The following BCAT1 variants were observed in gnomAD, a reference collection of about 807,000 sequenced individuals.
BCAT1 encodes branched-chain-amino-acid aminotransferase, cytosolic.
A neutral mutation model predicts 52.4 loss-of-function variants in BCAT1; 48 were observed. That is an observed-to-expected ratio of 0.92 (90% CI 0.73 to 1.16). The LOEUF is 1.16. Among genes scored for constraint, BCAT1 ranks in the 50% most tolerant of loss-of-function variants. The pLI is 0.00. For synonymous variants in BCAT1, 167 were observed against 161.3 expected, an observed-to-expected ratio of 1.04 and a Z score of -0.27; for missense variants, 451 against 457.1, an observed-to-expected ratio of 0.99 and a Z score of 0.12.
At chr12:24,902,854 G>T in intron 1 of BCAT1, 1 of 1,484,884 alleles carries the variant, frequency 6.7e-7, no homozygotes, top group Non-Finnish European at 9.0e-7. Flanking sequence ...GATGGTGCAG[G>T]AAACGGCGAC....
rs750977130 is a variant in BCAT1 at position 24,881,308 on chromosome 12, G to T, written c.383C>A (p.Thr128Asn). 6.2e-7 allele frequency: 1 copy of T among 1,606,200 alleles called. No individual in the cohort carries two copies. Among genetic ancestry groups the T allele is most frequent in the South Asian group, 1.1e-5 (1 of 90,396 alleles). Residue 128 changes from threonine (T) to asparagine (N), a missense_variant, in exon 4 of 11, where the codon ACT (threonine) becomes AAT (asparagine). Thr to Asn is a moderately conservative substitution (Grantham distance 65, BLOSUM62 0). Coordinates refer to ENST00000261192, the MANE Select transcript of BCAT1 (RefSeq NM_005504.7). ...ACTCCTACACTTACATACCGGCAGA[G>T]TTGCCCTCACAGCAGAGCGATACAT... Reference protein sequence around the residue: ...DRMYRSAVRATLPVFDKEELL... With the variant: ...DRMYRSAVRANLPVFDKEELL...
intron 1 of BCAT1, chr12:24,903,021 G>A: frequency 7.0e-7 from 1 of 1,423,454 alleles, no homozygotes; most frequent in Non-Finnish European, 9.1e-7. Flanking sequence ...GCTGCAGAGA[G>A]CGGCAGTGGC....
chr12:24,836,894 A>G lies in BCAT1; in HGVS notation c.818-298T>C, dbSNP rs1565454430. On this transcript the variant is annotated intron_variant, in intron 7 of 10. Coordinates refer to ENST00000261192, the MANE Select transcript of BCAT1 (RefSeq NM_005504.7). ...GAAAGAGAAAGAGAAAGAAAGAAAG[A>G]AAGAAAAGAAAGAGAGAAAGAAAGA... Among the ~76,000 whole-genome samples the G allele has an allele frequency of 2.8e-3, 151 of 54,148 alleles. 2 individuals carry two copies. Among genetic ancestry groups the G allele is most frequent in the African/African-American group, 0.011 (149 of 13,538 alleles). The allele number at this position is 54,148 out of a possible 152,430, so 35.5% of individuals were successfully genotyped here.
chr12:24,810,861 G>T lies in BCAT1; in HGVS notation c.*7147C>A, dbSNP rs1009204089. The stretch of plus-strand genomic sequence containing the variant: ...TCTGCACTTGGCTTTGTTCTCCCTT[G>T]GTGCTTTTGAGGACAATTTCTGCAA... On this transcript the variant is annotated 3_prime_UTR_variant, in exon 11 of 11. Transcript: ENST00000261192. The T allele has an allele frequency of 6.6e-6, 1 of 152,222 alleles. No homozygotes were observed. Among genetic ancestry groups the T allele is most frequent in the South Asian group, 2.1e-4 (1 of 4,814 alleles). 9.4% of individuals were successfully genotyped at this position (152,222 alleles called of 1,614,324 possible). A position where few individuals can be genotyped will look rare whatever the true frequency, so the allele number is the denominator to read the frequency against.
At chr12:24,895,055 T>A (rs1193418887) in intron 2 of BCAT1, among the ~76,000 whole-genome samples, 4 of 152,102 alleles carry the variant, frequency 2.6e-5, no homozygotes, top group Non-Finnish European at 5.9e-5. Flanking sequence ...AAGATATAAA[T>A]CCTCTGTTCT....
intron 1 of BCAT1, among the ~76,000 whole-genome samples, chr12:24,937,465 T>A (rs139381248): frequency 6.6e-6 from 1 of 152,272 alleles, no homozygotes; most frequent in East Asian, 1.9e-4. Flanking sequence ...AGGAAGAGGT[T>A]GAAGAGGTTT....
chr12:24,948,852 T>C, intron 1 of BCAT1, 75 bp downstream of exon 1: 1 of 1,522,618 alleles, frequency 6.6e-7, no homozygotes, highest in Non-Finnish European at 8.9e-7. Context: ...CTGCCAACTA[T>C]GTTTCTTGGA....
At position 24,814,689 on chromosome 12, in the gene BCAT1, A is replaced by T. The variant is rs1003619486; in HGVS notation, c.*3319T>A. The T allele has an allele frequency of 1.3e-5, 2 of 152,056 alleles. No homozygotes were observed. Among genetic ancestry groups the T allele is most frequent in the Non-Finnish European group, 2.9e-5 (2 of 68,000 alleles). 9.4% of individuals were successfully genotyped at this position (152,056 alleles called of 1,614,324 possible). On this transcript the variant is annotated 3_prime_UTR_variant, in exon 11 of 11. Coordinates refer to ENST00000261192, the MANE Select transcript of BCAT1 (RefSeq NM_005504.7). ...AAAACTAATATGGTGAAGAATTTTAACCCAAGGTGTAACTTAGGTTTCCCA... is the reference window on the plus strand; with the variant it reads ...AAAACTAATATGGTGAAGAATTTTATCCCAAGGTGTAACTTAGGTTTCCCA...
intron 1 of BCAT1, among the ~76,000 whole-genome samples, chr12:24,944,487 G>A (rs143056180): frequency 6.6e-6 from 1 of 152,302 alleles, no homozygotes; most frequent in East Asian, 1.9e-4. Flanking sequence ...GCTGTGGAAT[G>A]TTTGGTCTAG....
chr12:24,838,261 T>C (rs1333576990), intron 7 of BCAT1, among the ~76,000 whole-genome samples: 3 of 152,322 alleles, frequency 2.0e-5, no homozygotes, highest in Non-Finnish European at 4.4e-5. Flanking sequence ...AATAAATGTT[T>C]TTGAGTAAAA....
intron 5 of BCAT1, among the ~76,000 whole-genome samples, chr12:24,851,791 C>A (rs1186622161): frequency 6.6e-6 from 1 of 152,224 alleles, no homozygotes; most frequent in African/African-American, 2.4e-5. Flanking sequence ...GCATAATACA[C>A]ACACCCGCTT....
intron 1 of BCAT1, among the ~76,000 whole-genome samples, chr12:24,907,343 A>C (rs145291747): frequency 1.1e-3 from 173 of 152,350 alleles, no homozygotes; most frequent in African/African-American, 4.0e-3. Flanking sequence ...GTAATATTTT[A>C]TTCTAATCAT....
At chr12:24,930,083 G>A (rs1943656059) in intron 1 of BCAT1, among the ~76,000 whole-genome samples, 1 of 152,168 alleles carries the variant, frequency 6.6e-6, no homozygotes, top group Admixed American at 6.5e-5. Flanking sequence ...TCTGGCACTG[G>A]GGGCCCTCTC....
At chr12:24,818,145 G>C in intron 10 of BCAT1, 96 bp from the exon 11 acceptor site, 1 of 1,223,740 alleles carries the variant, frequency 8.2e-7, no homozygotes. Flanking sequence ...TACACAAAAG[G>C]TTCGCTTCTG....
At chr12:24,826,692 T>C (rs1329497204) in intron 10 of BCAT1, among the ~76,000 whole-genome samples, 1 of 152,244 alleles carries the variant, frequency 6.6e-6, no homozygotes, top group Non-Finnish European at 1.5e-5. Flanking sequence ...AGTATTTTAA[T>C]AGGGATTGCA....
intron 1 of BCAT1, among the ~76,000 whole-genome samples, chr12:24,906,124 A>G (rs1943221856): frequency 6.6e-6 from 1 of 151,782 alleles, no homozygotes; most frequent in South Asian, 2.1e-4. Flanking sequence ...GGTGAGGTTG[A>G]GGCTGCAGTG....
At chr12:24,890,620 T>C (rs995430762) in intron 3 of BCAT1, among the ~76,000 whole-genome samples, 1 of 152,148 alleles carries the variant, frequency 6.6e-6, no homozygotes, top group Admixed American at 6.5e-5. Context: ...ACAGAGGCCA[T>C]GGCAATGGTG....
chr12:24,943,750 C>T (rs576184716), intron 1 of BCAT1, among the ~76,000 whole-genome samples: 3 of 152,074 alleles, frequency 2.0e-5, no homozygotes, highest in South Asian at 2.1e-4. Flanking sequence ...CTTGGGTGGC[C>T]GAGGCGGGCA....
intron 1 of BCAT1, among the ~76,000 whole-genome samples, chr12:24,935,403 T>C (rs1943738031): frequency 6.6e-6 from 1 of 151,902 alleles, no homozygotes; most frequent in Non-Finnish European, 1.5e-5. Context: ...CAATACAAAG[T>C]CCCAACAGAA....
Sources: gnomAD v4.1 joint callset for allele counts (sites outside exome capture counted in the v4.1 genomes callset) on GRCh38, gnomAD v4.1.1 for gene constraint, MANE v1.5 for transcripts, NCBI Gene and HGNC (gene_info 2026-07-23, HGNC 2026-07-21) for gene names.